Variants in SYT10 observed in about 807,000 individuals in gnomAD.
SYT10 encodes the protein synaptotagmin-10.
In SYT10, 31 loss-of-function variants were observed where a neutral mutation model predicts 51.1. The observed-to-expected ratio is 0.61, with a 90% CI of 0.46 to 0.82. SYT10 has a LOEUF of 0.82. Ranked by LOEUF, SYT10 falls within the 40% of genes least tolerant of loss-of-function variation. The pLI, the probability that SYT10 is intolerant of heterozygous loss-of-function variation, is 0.00. For missense variants in SYT10, 603 were observed against 634.0 expected (o/e 0.95, Z 0.53); for synonymous variants, 233 against 225.9 (o/e 1.03, Z -0.28).
chr12:33,407,036 G>T lies in SYT10; in HGVS notation c.830C>A (p.Pro277Gln). 2 of 1,614,100 alleles carry T rather than the reference G, an allele frequency of 1.2e-6. No individual in the cohort carries two copies. Among genetic ancestry groups the T allele is most frequent in the Non-Finnish European group, 1.7e-6 (2 of 1,180,014 alleles). ...SDPYVKMYLL[P>Q]DRKKKFQTRV... ...GGTCTGAAATTTCTTTTTCCTATCT[G>T]GAAGAAGATACATCTTCACATAAGG... is the stretch of plus-strand genomic sequence containing the variant. Residue 277 changes from proline to glutamine, a missense_variant, in exon 3 of 7, where the codon CCA becomes CAA. By Grantham distance (76) the Pro-to-Gln change is moderately conservative (BLOSUM62 -1). Coordinates refer to ENST00000228567, the MANE Select transcript of SYT10 (RefSeq NM_198992.4).
At chr12:33,397,200 G>A (rs1866263876) in intron 3 of SYT10, among the ~76,000 whole-genome samples, 2 of 152,158 alleles carry the variant, frequency 1.3e-5, no homozygotes, top group South Asian at 4.1e-4. Flanking sequence ...TCAGTGAGGG[G>A]TCCAGCAGGA....
chr12:33,413,103 T>C (rs1450128984), intron 2 of SYT10, among the ~76,000 whole-genome samples: 1 of 151,976 alleles, frequency 6.6e-6, no homozygotes, highest in Non-Finnish European at 1.5e-5. Context: ...ATCAAATTAA[T>C]GAAATGAAGC....
intron 3 of SYT10, among the ~76,000 whole-genome samples, chr12:33,390,443 C>A (rs1291887834): frequency 3.3e-5 from 5 of 152,090 alleles, no homozygotes; most frequent in African/African-American, 1.2e-4. Context: ...GCAGGATATA[C>A]AATATGAAGT....
chr12:33,421,008 A>G (rs1284582136), intron 2 of SYT10, among the ~76,000 whole-genome samples: 1 of 152,002 alleles, frequency 6.6e-6, no homozygotes, highest in African/African-American at 2.4e-5. Flanking sequence ...CCCATTTTTC[A>G]TTTCTTACAG....
At chr12:33,379,291 G>A (rs1866092589) in intron 6 of SYT10, among the ~76,000 whole-genome samples, 1 of 152,050 alleles carries the variant, frequency 6.6e-6, no homozygotes, top group Non-Finnish European at 1.5e-5. Context: ...GCCAGGCCTT[G>A]AACTCGACTA....
At position 33,439,446 on chromosome 12, in the gene SYT10, G is replaced by A. The variant is rs750439224; in HGVS notation, c.77C>T (p.Ala26Val). The A allele has an allele frequency of 1.2e-4, 192 of 1,614,102 alleles. No homozygotes were observed. Among genetic ancestry groups the A allele is most frequent in the Middle Eastern group, 8.2e-4 (5 of 6,084 alleles). ...GCACTTCTCCCACTCCACCTGGCCG[G>A]CGAAGCACAGCTCGGTGACGATGTG... Reference protein sequence around the residue: ...ALHIVTELCFAGQVEWEKCSG... With the variant: ...ALHIVTELCFVGQVEWEKCSG... Residue 26 changes from alanine to valine, a missense_variant, in exon 1 of 7, where the codon GCC becomes GTC. By Grantham distance (64) the Ala-to-Val change is moderately conservative. Transcript: ENST00000228567.
At chr12:33,390,626 G>C (rs1866196341) in intron 3 of SYT10, among the ~76,000 whole-genome samples, 1 of 151,910 alleles carries the variant, frequency 6.6e-6, no homozygotes, top group Non-Finnish European at 1.5e-5. Flanking sequence ...AAAGTGCCTG[G>C]TGTAAACATA....
intron 2 of SYT10, among the ~76,000 whole-genome samples, chr12:33,421,213 A>G (rs1239948383): frequency 6.6e-6 from 1 of 152,198 alleles, no homozygotes. Flanking sequence ...TTACGCTTCT[A>G]ATCAACCATA....
Position 33,421,160 on chromosome 12 carries a change from C to T in SYT10, c.509+4978G>A, listed in dbSNP as rs1232464810. Among the ~76,000 whole-genome samples the T allele has an allele frequency of 4.6e-5, 7 of 152,218 alleles. No homozygotes were observed. In the South Asian group the frequency reaches 8.3e-4, roughly 18 times the overall value. On this transcript the variant is annotated intron_variant, in intron 2 of 6. Coordinates refer to ENST00000228567, the MANE Select transcript of SYT10 (RefSeq NM_198992.4). ...TCTTAATTTTTCTTATAATAATGCACATTAAGCGTTCTTTTGGATACTATG... is the reference window on the plus strand; with the variant it reads ...TCTTAATTTTTCTTATAATAATGCATATTAAGCGTTCTTTTGGATACTATG...
At chr12:33,407,473 A>G in intron 2 of SYT10, 117 bp from the exon 3 acceptor site, 1 of 1,004,338 alleles carries the variant, frequency 1.0e-6, no homozygotes, top group Non-Finnish European at 1.4e-6. Flanking sequence ...ATCTATATCT[A>G]CATAGATAGA....
At chr12:33,427,729 T>A (rs1866564454) in intron 1 of SYT10, among the ~76,000 whole-genome samples, 1 of 152,216 alleles carries the variant, frequency 6.6e-6, no homozygotes, top group Non-Finnish European at 1.5e-5. Context: ...TAGCTCTTCA[T>A]GACATATTTT....
At chr12:33,391,079 G>A (rs181756074) in intron 3 of SYT10, among the ~76,000 whole-genome samples, 1 of 152,188 alleles carries the variant, frequency 6.6e-6, no homozygotes, top group Non-Finnish European at 1.5e-5. Context: ...TGGGATTACA[G>A]GCACATGCCA....
At chr12:33,418,561 T>C (rs2138425939) in intron 2 of SYT10, among the ~76,000 whole-genome samples, 1 of 152,282 alleles carries the variant, frequency 6.6e-6, no homozygotes, top group South Asian at 2.1e-4. Flanking sequence ...TCTCCTCTTC[T>C]TGCCTCTCTA....
At chr12:33,389,506 G>A (rs1004228164) in intron 3 of SYT10, among the ~76,000 whole-genome samples, 12 of 152,066 alleles carry the variant, frequency 7.9e-5, no homozygotes, top group East Asian at 7.7e-4. Context: ...TCTTTATCTT[G>A]AGTAGGCTAG....
rs1241334832 is a variant in SYT10 at position 33,428,934 on chromosome 12, T to C, written c.152-2439A>G. Among the ~76,000 whole-genome samples the C allele has an allele frequency of 1.3e-4, 19 of 143,164 alleles. 1 individual carries two copies. The highest frequency in any genetic ancestry group is 2.8e-4 in the Admixed American group (4 of 14,270). The allele number at this position is 143,164 out of a possible 152,430, so 93.9% of individuals were successfully genotyped here. A position where few individuals can be genotyped will look rare whatever the true frequency, so the allele number is the denominator to read the frequency against. On this transcript the variant is annotated intron_variant, in intron 1 of 6. Transcript: ENST00000228567. ...AAAAAAAAAAAAAAAAGACTGGCAGTGTGGAAATGGACTCTGTGAGAGTAG... is the reference window on the plus strand; with the variant it reads ...AAAAAAAAAAAAAAAAGACTGGCAGCGTGGAAATGGACTCTGTGAGAGTAG...
intron 1 of SYT10, among the ~76,000 whole-genome samples, chr12:33,431,685 T>C (rs1243565298): frequency 1.3e-5 from 2 of 152,204 alleles, no homozygotes; most frequent in Admixed American, 6.6e-5. Flanking sequence ...ATAATTTTTG[T>C]TATTTGTGTA....
chr12:33,413,595 T>C (rs1866426916), intron 2 of SYT10, among the ~76,000 whole-genome samples: 1 of 152,064 alleles, frequency 6.6e-6, no homozygotes, highest in African/African-American at 2.4e-5. Context: ...GCTTCATAAG[T>C]GAAGGAGAAA....
intron 2 of SYT10, among the ~76,000 whole-genome samples, chr12:33,423,094 C>T (rs527599734): frequency 1.3e-5 from 2 of 152,082 alleles, no homozygotes; most frequent in Admixed American, 6.6e-5. Flanking sequence ...AAAATGTCCA[C>T]GTACTTGAAA....
chr12:33,394,960 T>C (rs539248881), intron 3 of SYT10, among the ~76,000 whole-genome samples: 21 of 152,210 alleles, frequency 1.4e-4, no homozygotes, highest in Non-Finnish European at 2.5e-4. Flanking sequence ...TGGTGGTGGG[T>C]GCCTGTAGTC....
Sources: allele counts gnomAD v4.1 joint callset (sites outside exome capture counted in the v4.1 genomes callset), GRCh38; gene constraint gnomAD v4.1.1; transcripts MANE v1.5; gene names NCBI Gene and HGNC (gene_info 2026-07-23, HGNC 2026-07-21).